The following SASH1 variants were observed in gnomAD, a reference collection of about 807,000 sequenced individuals.
SASH1 encodes the protein SAM and SH3 domain-containing protein 1.
Under a neutral mutation model 125.2 loss-of-function variants are expected in SASH1, and 44 were observed. The ratio of observed to expected loss-of-function variants is 0.35; its 90% CI spans 0.28 to 0.45. SASH1 has a LOEUF of 0.45. Among genes scored for constraint, SASH1 ranks in the 20% least tolerant of loss-of-function variants. The pLI is 1.00. For synonymous variants in SASH1, 639 were observed against 649.1 expected, an observed-to-expected ratio of 0.98 and a Z score of 0.24; for missense variants, 1,426 against 1,614.5, an observed-to-expected ratio of 0.88 and a Z score of 2.00.
At position 148,351,650 on chromosome 6, in the gene SASH1, C is replaced by CTTTTTT. The variant is rs67177596; in HGVS notation, c.156+8441_156+8446dup. On this transcript the variant is annotated intron_variant, in intron 1 of 19. Transcript: ENST00000367467. ...TGCCCTGAGCCCTAGTTACTCACCGCTTTTTTTTTTTTTTTTTTTAACTGC... is the reference window on the plus strand; with the variant it reads ...TGCCCTGAGCCCTAGTTACTCACCGCTTTTTTTTTTTTTTTTTTTTTTTTTAACTGC... Among the ~76,000 whole-genome samples the CTTTTTT allele has an allele frequency of 6.9e-4, 80 of 116,022 alleles. 3 individuals are homozygous for CTTTTTT. Among genetic ancestry groups the CTTTTTT allele is most frequent in the African/African-American group, 2.4e-3 (73 of 29,922 alleles). 76.1% of individuals were successfully genotyped at this position (116,022 alleles called of 152,430 possible).
intron 1 of SASH1, among the ~76,000 whole-genome samples, chr6:148,320,807 A>G (rs1274329219): frequency 6.6e-6 from 1 of 152,176 alleles, no homozygotes; most frequent in African/African-American, 2.4e-5. Flanking sequence ...TTTAAAACAG[A>G]GAGCTTCAAG....
Position 148,471,516 on chromosome 6 carries a change from A to T in SASH1, c.514+13A>T. ...CAGACTTCAAAAGGTACTGCAATGC[A>T]GCTGGCGGACAGTAGGTCCTTTTAG... On this transcript the variant is annotated intron_variant, in intron 6 of 19. Coordinates refer to ENST00000367467, the MANE Select transcript of SASH1 (RefSeq NM_015278.5). 6.6e-7 allele frequency: 1 copy of T among 1,518,620 alleles called. No individual in the cohort carries two copies. Among genetic ancestry groups the T allele is most frequent in the Non-Finnish European group, 9.1e-7 (1 of 1,101,264 alleles). 94.1% of individuals were successfully genotyped at this position (1,518,620 alleles called of 1,614,324 possible).
At chr6:148,285,586 T>C (rs1779461958) in intron 1 of SASH1, among the ~76,000 whole-genome samples, 1 of 152,168 alleles carries the variant, frequency 6.6e-6, no homozygotes, top group Admixed American at 6.5e-5. Flanking sequence ...TCTCTCTCTT[T>C]TCCATAATTT....
intron 8 of SASH1, among the ~76,000 whole-genome samples, chr6:148,499,732 G>A (rs1779485191): frequency 6.6e-6 from 1 of 152,162 alleles, no homozygotes; most frequent in Admixed American, 6.5e-5. Flanking sequence ...TAGATGAAGA[G>A]CTGAGTAAAT....
intron 4 of SASH1, among the ~76,000 whole-genome samples, chr6:148,442,760 T>G (rs1776599659): frequency 6.6e-6 from 1 of 152,116 alleles, no homozygotes; most frequent in Non-Finnish European, 1.5e-5. Flanking sequence ...TCTTTTTCTT[T>G]TCTTTTCTTT....
At chr6:148,369,971 A>AC (rs1782645447) in intron 1 of SASH1, among the ~76,000 whole-genome samples, 5 of 149,054 alleles carry the variant, frequency 3.4e-5, no homozygotes, top group Non-Finnish European at 7.4e-5. Flanking sequence ...AAAAACAAAA[A>AC]AAAAAAAAAA....
intron 2 of SASH1, among the ~76,000 whole-genome samples, chr6:148,401,024 C>T (rs1054608913): frequency 2.6e-5 from 4 of 152,060 alleles, no homozygotes; most frequent in Admixed American, 2.6e-4. Context: ...GCTGGTGGAT[C>T]GCTTGAGTTT....
chr6:148,454,965 A>G (rs1777268372), intron 4 of SASH1, among the ~76,000 whole-genome samples: 1 of 152,200 alleles, frequency 6.6e-6, no homozygotes, highest in Admixed American at 6.5e-5. Flanking sequence ...AAGTCAGGAT[A>G]ATGCTTGAAA....
At chr6:148,468,175 A>T (rs376201853) in intron 4 of SASH1, among the ~76,000 whole-genome samples, 67 of 152,250 alleles carry the variant, frequency 4.4e-4, no homozygotes, top group African/African-American at 1.6e-3. Context: ...TGCTGAGTTT[A>T]TGTTTTCATT....
the SASH1 span, among the ~76,000 whole-genome samples, chr6:148,218,655 C>T: frequency 6.6e-6 from 1 of 152,136 alleles, no homozygotes; most frequent in Non-Finnish European, 1.5e-5. Context: ...TCCTCCCTCC[C>T]AGCTGCCACA....
At chr6:148,308,543 G>T (rs553393391) in intron 1 of SASH1, among the ~76,000 whole-genome samples, 1 of 151,626 alleles carries the variant, frequency 6.6e-6, no homozygotes, top group African/African-American at 2.4e-5. Flanking sequence ...TTACAGGCAT[G>T]CGCCACCATG....
At chr6:148,345,418 A>G (rs531458607) in intron 1 of SASH1, among the ~76,000 whole-genome samples, 1 of 152,332 alleles carries the variant, frequency 6.6e-6, no homozygotes, top group Admixed American at 6.5e-5. Context: ...TCAGCTAATC[A>G]TTCAGGATCA....
the SASH1 span, among the ~76,000 whole-genome samples, chr6:148,262,012 C>G: frequency 1.3e-4 from 19 of 151,992 alleles, no homozygotes; most frequent in Admixed American, 1.2e-3. Context: ...CTTGACCGTG[C>G]CTTTTTCATG....
At chr6:148,523,414 G>T (rs959696738) in intron 10 of SASH1, among the ~76,000 whole-genome samples, 1 of 152,206 alleles carries the variant, frequency 6.6e-6, no homozygotes, top group Non-Finnish European at 1.5e-5. Context: ...AGGTGATTTG[G>T]TGAATATATT....
At chr6:148,514,241 G>A (rs894087579) in intron 8 of SASH1, 83 bp from the exon 9 acceptor site, 19 of 1,525,370 alleles carry the variant, frequency 1.2e-5, no homozygotes, top group Non-Finnish European at 1.5e-5. Flanking sequence ...GTTCAGACTG[G>A]CAGCAAGGCC....
chr6:148,344,906 A>G (rs983310475), intron 1 of SASH1, among the ~76,000 whole-genome samples: 6 of 151,724 alleles, frequency 4.0e-5, no homozygotes, highest in Non-Finnish European at 8.8e-5. Context: ...CAGGCGCGCA[A>G]CACCACACCC....
Position 148,529,586 on chromosome 6 carries a change from G to A in SASH1, c.1429-1940G>A, listed in dbSNP as rs954972272. Among the ~76,000 whole-genome samples, 7 of 151,954 alleles carry A rather than the reference G, an allele frequency of 4.6e-5. No individual in the cohort carries two copies. The highest frequency in any genetic ancestry group is 7.4e-5 in the Non-Finnish European group (5 of 67,998). ...AGCCACTAAAACTCTTAAGCTTTACGTTCACAGAGGTTTTCTGCTTTATGA... is the reference window on the plus strand; with the variant it reads ...AGCCACTAAAACTCTTAAGCTTTACATTCACAGAGGTTTTCTGCTTTATGA... On this transcript the variant is annotated intron_variant, in intron 12 of 19. Coordinates refer to ENST00000367467, the MANE Select transcript of SASH1 (RefSeq NM_015278.5). This position sits in a 1 kb window ranked among gnomAD's most constrained non-coding sequence, Gnocchi z 4.2.
chr6:148,438,318 G>A (rs1228149687), intron 2 of SASH1, among the ~76,000 whole-genome samples: 1 of 152,148 alleles, frequency 6.6e-6, no homozygotes, highest in African/African-American at 2.4e-5. Flanking sequence ...GTTAGGTCCT[G>A]GAAAATTGTG....
At chr6:148,232,192 G>C in the SASH1 span, among the ~76,000 whole-genome samples, 1 of 152,174 alleles carries the variant, frequency 6.6e-6, no homozygotes, top group Non-Finnish European at 1.5e-5. Context: ...TGAATTGGCT[G>C]AATGTTGTCA....
Sources: gnomAD v4.1 joint callset for allele counts (sites outside exome capture counted in the v4.1 genomes callset) on GRCh38, gnomAD v4.1.1 for gene constraint, Gnocchi (gnomAD v3.1) non-coding constraint, MANE v1.5 for transcripts, NCBI Gene and HGNC (gene_info 2026-07-23, HGNC 2026-07-21) for gene names.